Variants in PRORP observed in about 807,000 individuals in gnomAD.
PRORP encodes mitochondrial ribonuclease P catalytic subunit.
PRORP carries 51 observed loss-of-function variants against 59.4 expected under a neutral mutation model. The observed-to-expected ratio is 0.86, with a 90% CI of 0.69 to 1.08. The LOEUF is 1.08. Among genes scored for constraint, PRORP ranks in the 50% least tolerant of loss-of-function variants. PRORP has a pLI of 0.00. For missense variants in PRORP, 646 were observed against 690.3 expected (o/e 0.94, Z 0.72); for synonymous variants, 231 against 245.6 (o/e 0.94, Z 0.55).
chr14:35,193,634 A>ATTTT (rs34186766), intron 5 of PRORP, among the ~76,000 whole-genome samples: 1,324 of 129,828 alleles, frequency 0.01, 11 homozygotes, highest in Non-Finnish European at 0.014. Flanking sequence ...TCCCGGGTGT[A>ATTTT]TTTTTTTTTT....
chr14:35,244,446 C>CTT (rs773016315), intron 5 of PRORP, among the ~76,000 whole-genome samples: 5 of 143,466 alleles, frequency 3.5e-5, no homozygotes, highest in Non-Finnish European at 3.1e-5. Context: ...TGGATATTAT[C>CTT]TTTTTTTTTT....
rs570405031 is a variant in PRORP, at chr14:35,141,519, T to C, written c.1167+13908T>C. ...CTGGCTTCTAGTGGTCCTCCCACCT[T>C]GGCCTCCCAAAGTGCTGAGATTTCA... On this transcript the variant is annotated intron_variant, in intron 4 of 7. Transcript: ENST00000534898. Among the ~76,000 whole-genome samples, 10 of 144,148 alleles carry C rather than the reference T, an allele frequency of 6.9e-5. 3 individuals carry two copies. The highest frequency in any genetic ancestry group is 1.2e-4 in the Non-Finnish European group (8 of 64,926). The allele number at this position is 144,148 out of a possible 152,430, so 94.6% of individuals were successfully genotyped here. A position where few individuals can be genotyped will look rare whatever the true frequency, so the allele number is the denominator to read the frequency against.
chr14:35,132,093 C>G (rs2047257112), intron 4 of PRORP, among the ~76,000 whole-genome samples: 1 of 151,688 alleles, frequency 6.6e-6, no homozygotes, highest in African/African-American at 2.4e-5. Context: ...TCCGCCTCGG[C>G]CTCCGAAAGT....
At chr14:35,235,440 C>A (rs1244826736) in intron 5 of PRORP, 4 of 665,288 alleles carry the variant, frequency 6.0e-6, no homozygotes, top group Admixed American at 2.0e-5. Context: ...CAGTAAGGGA[C>A]CCCCATTTTA....
At chr14:35,146,408 A>C (rs913031581) in intron 4 of PRORP, among the ~76,000 whole-genome samples, 1 of 152,174 alleles carries the variant, frequency 6.6e-6, no homozygotes, top group Non-Finnish European at 1.5e-5. Flanking sequence ...ATGAAATGTC[A>C]GTATAAGAAC....
At chr14:35,197,120 T>C (rs1184559160) in intron 5 of PRORP, among the ~76,000 whole-genome samples, 1 of 152,186 alleles carries the variant, frequency 6.6e-6, no homozygotes, top group East Asian at 1.9e-4. Flanking sequence ...CCCATATCTT[T>C]TCTCTCTCTG....
intron 4 of PRORP, among the ~76,000 whole-genome samples, chr14:35,145,732 A>AGAAGGAAGGAAGGAAGGAAG (rs554532604): frequency 7.8e-6 from 1 of 127,758 alleles, no homozygotes; most frequent in Non-Finnish European, 1.8e-5. Context: ...AAAGAAAGAA[A>AGAAGGAAGGAAGGAAGGAAG]GAAGGAAGGA....
At chr14:35,165,913 C>A (rs1357246727) in intron 4 of PRORP, among the ~76,000 whole-genome samples, 1 of 152,070 alleles carries the variant, frequency 6.6e-6, no homozygotes, top group East Asian at 1.9e-4. Context: ...CTCCTGGCCT[C>A]AATGGATCTA....
At chr14:35,133,912 C>CT (rs928470803) in intron 4 of PRORP, among the ~76,000 whole-genome samples, 2 of 152,208 alleles carry the variant, frequency 1.3e-5, no homozygotes, top group African/African-American at 2.4e-5. Context: ...ACCACTAGAA[C>CT]TGTGCTGGGC....
At chr14:35,252,288 G>A (rs2050634625) in intron 5 of PRORP, among the ~76,000 whole-genome samples, 1 of 151,970 alleles carries the variant, frequency 6.6e-6, no homozygotes, top group Admixed American at 6.6e-5. Context: ...ACGGGTGTAG[G>A]GGCACATGCC....
intron 5 of PRORP, among the ~76,000 whole-genome samples, chr14:35,244,194 C>T (rs1391235069): frequency 6.6e-6 from 1 of 152,136 alleles, no homozygotes; most frequent in Non-Finnish European, 1.5e-5. Flanking sequence ...TTCATAAGTC[C>T]TCATTGTTAT....
chr14:35,247,309 C>G (rs969199276), intron 5 of PRORP, among the ~76,000 whole-genome samples: 2 of 151,998 alleles, frequency 1.3e-5, no homozygotes, highest in African/African-American at 4.8e-5. Context: ...TCCCTCCCTC[C>G]CTTCCTCCCT....
At chr14:35,266,939 C>T in intron 6 of PRORP, 64 bp downstream of exon 6, 1 of 1,555,570 alleles carries the variant, frequency 6.4e-7, no homozygotes, top group Admixed American at 1.7e-5. Context: ...TTGTTAGTTA[C>T]CTACTTTAAA....
chr14:35,241,714 C>T lies in PRORP; in HGVS notation c.1276-25013C>T, dbSNP rs200932276. Among the ~76,000 whole-genome samples, 10 of 152,240 alleles carry T rather than the reference C, an allele frequency of 6.6e-5. No individual in the cohort carries two copies. In the East Asian group the frequency reaches 1.4e-3, roughly 21 times the overall value. On this transcript the variant is annotated intron_variant, in intron 5 of 7. Transcript: ENST00000534898. ...AAGAGTCCTGCCTACCTCCCAGCCT[C>T]GACTCACCTCTCCTCAGCTTTTCTT...
Position 35,148,694 on chromosome 14 carries a change from A to G in PRORP, c.1167+21083A>G, listed in dbSNP as rs576377609. 7.5e-4 allele frequency among the ~76,000 whole-genome samples: 114 copies of G among 152,070 alleles called. 1 individual carries two copies. The Middle Eastern group carries it at 0.01, about 14-fold the overall frequency. On this transcript the variant is annotated intron_variant, in intron 4 of 7. Coordinates refer to ENST00000534898, the MANE Select transcript of PRORP (RefSeq NM_014672.4). ...TTCTCTCTAGCTATGAAAATTCTAG[A>G]TGGCATCTTCTTCCAATAGAAGGGG...
At chr14:35,176,929 T>A (rs2048467046) in intron 4 of PRORP, among the ~76,000 whole-genome samples, 1 of 152,160 alleles carries the variant, frequency 6.6e-6, no homozygotes, top group Admixed American at 6.5e-5. Flanking sequence ...AATACCTAAT[T>A]TATTGAGAGT....
chr14:35,245,635 G>A (rs1315451640), intron 5 of PRORP, among the ~76,000 whole-genome samples: 1 of 152,158 alleles, frequency 6.6e-6, no homozygotes, highest in Non-Finnish European at 1.5e-5. Flanking sequence ...AACAGAATGA[G>A]ACCCTCTCTC....
At chr14:35,166,518 A>C (rs10136614) in intron 4 of PRORP, among the ~76,000 whole-genome samples, 91,673 of 147,768 alleles carry the variant, frequency 0.62, 28,360 homozygotes, top group East Asian at 0.69. Flanking sequence ...GGTGTAATCT[A>C]GGCTCACTGC....
intron 4 of PRORP, among the ~76,000 whole-genome samples, chr14:35,154,484 GAAATAGT>G (rs991892240): frequency 3.3e-5 from 5 of 152,082 alleles, no homozygotes; most frequent in African/African-American, 1.2e-4. Context: ...AAGATTTTAA[GAAATAGT>G]AAATAGGAGA....
Sources: allele counts gnomAD v4.1 joint callset (sites outside exome capture counted in the v4.1 genomes callset), GRCh38; gene constraint gnomAD v4.1.1; transcripts MANE v1.5; gene names NCBI Gene and HGNC (gene_info 2026-07-23, HGNC 2026-07-21).